The following DESI2 variants were observed in gnomAD, a reference collection of about 807,000 sequenced individuals.
The protein encoded by DESI2 is desumoylating isopeptidase 2, also known as deubiquitinase DESI2.
A neutral mutation model predicts 24.1 loss-of-function variants in DESI2; 10 were observed. The ratio of observed to expected loss-of-function variants is 0.41; its 90% CI spans 0.26 to 0.70. DESI2 has a LOEUF of 0.70. Ranked by LOEUF, DESI2 falls within the 30% of genes least tolerant of loss-of-function variation. DESI2 has a pLI of 0.29. For synonymous variants in DESI2, 71 were observed against 87.7 expected (o/e 0.81, Z 1.06); for missense variants, 122 against 234.9 (o/e 0.52, Z 3.14).
intron 1 of DESI2, among the ~76,000 whole-genome samples, chr1:244,666,737 C>T (rs765554912): frequency 7.2e-5 from 11 of 152,106 alleles, no homozygotes; most frequent in East Asian, 1.9e-4. Flanking sequence ...TGAGGGCAGA[C>T]GCAGTGTCTA....
chr1:244,655,131 G>A (rs142955505), intron 1 of DESI2, among the ~76,000 whole-genome samples: 155 of 152,322 alleles, frequency 1.0e-3, no homozygotes, highest in African/African-American at 3.6e-3. Flanking sequence ...CAGTATTTTC[G>A]AAGGGAGGAC....
At chr1:244,656,927 A>G (rs935128117) in intron 1 of DESI2, among the ~76,000 whole-genome samples, 7 of 152,156 alleles carry the variant, frequency 4.6e-5, no homozygotes, top group Admixed American at 3.3e-4. Context: ...GGCACCTGCC[A>G]TCATGCCCGG....
At chr1:244,660,506 G>C (rs1313060335) in intron 1 of DESI2, among the ~76,000 whole-genome samples, 2 of 152,134 alleles carry the variant, frequency 1.3e-5, no homozygotes, top group Non-Finnish European at 2.9e-5. Context: ...CTTTCCGTTT[G>C]TTGACTGTCG....
chr1:244,663,000 C>T (rs1017081356), intron 1 of DESI2, among the ~76,000 whole-genome samples: 1 of 151,016 alleles, frequency 6.6e-6, no homozygotes, highest in African/African-American at 2.5e-5. Flanking sequence ...GGATAGATTC[C>T]ACAAAAATGA....
intron 3 of DESI2, among the ~76,000 whole-genome samples, chr1:244,691,040 C>G (rs925500379): frequency 1.3e-5 from 2 of 152,224 alleles, no homozygotes; most frequent in Non-Finnish European, 2.9e-5. Context: ...ATTCCACTTT[C>G]TCTTGGATAA....
rs554315585 is a variant in DESI2 at position 244,705,472 on chromosome 1, C to A, written c.352-84C>A. 2.1e-4 allele frequency: 255 copies of A among 1,200,160 alleles called. 1 individual carries two copies. The South Asian group carries it at 3.2e-3, about 15-fold the overall frequency. 74.3% of individuals were successfully genotyped at this position (1,200,160 alleles called of 1,614,324 possible). A position where few individuals can be genotyped will look rare whatever the true frequency, so the allele number is the denominator to read the frequency against. ...CCGTGGCTTCTCTGTACGCCGCCCC[C>A]CTCCTCCCACCCTCCACTCCCTGGC... is the stretch of plus-strand genomic sequence containing the variant. On this transcript the variant is annotated intron_variant, in intron 4 of 4. Transcript: ENST00000302550.
At chr1:244,687,660 G>A (rs1316851793) in intron 2 of DESI2, among the ~76,000 whole-genome samples, 1 of 152,166 alleles carries the variant, frequency 6.6e-6, no homozygotes, top group East Asian at 1.9e-4. Flanking sequence ...TCCAGGTGAA[G>A]TTTAGCATAT....
chr1:244,654,563 G>C (rs530104714), intron 1 of DESI2, among the ~76,000 whole-genome samples: 1 of 152,180 alleles, frequency 6.6e-6, no homozygotes, highest in African/African-American at 2.4e-5. Context: ...TCTGATGTGA[G>C]CCTGGAGATG....
At position 244,686,624 on chromosome 1, in the gene DESI2, A is replaced by G; in HGVS notation, c.70A>G (p.Ile24Val). Residue 24 changes from isoleucine (I) to valine (V), a missense_variant, in exon 2 of 5, where the codon ATT (isoleucine) becomes GTT (valine). Around this residue, in one of 6 missense-constraint regions of DESI2, gnomAD observed 16 missense variants for 65.7 expected, o/e 0.24. Coordinates refer to ENST00000302550, the MANE Select transcript of DESI2 (RefSeq NM_016076.5). Reference protein sequence around the residue: ...MYWMNEYTSSIGIGVFHSGIE... With the variant: ...MYWMNEYTSSVGIGVFHSGIE... Reference sequence around the variant, plus strand: ...TTGGATGAACGAATATACCTCATCCATTGGAATTGGAGTTTTTCATTCAGG... The same window carrying G: ...TTGGATGAACGAATATACCTCATCCGTTGGAATTGGAGTTTTTCATTCAGG... The G allele has an allele frequency of 1.9e-6, 3 of 1,609,264 alleles. No homozygotes were observed. The highest frequency in any genetic ancestry group is 2.2e-5 in the South Asian group (2 of 90,958).
chr1:244,694,908 A>T (rs1300159453), intron 4 of DESI2, among the ~76,000 whole-genome samples: 1 of 152,242 alleles, frequency 6.6e-6, no homozygotes, highest in East Asian at 1.9e-4. Context: ...AAAGTTTGCC[A>T]GCCTCTACTC....
chr1:244,664,789 A>C (rs924178395), intron 1 of DESI2, among the ~76,000 whole-genome samples: 5 of 152,270 alleles, frequency 3.3e-5, no homozygotes, highest in African/African-American at 1.2e-4. Context: ...TGTATTTATA[A>C]GTGTCCTTTG....
chr1:244,684,683 C>T (rs1395306379), intron 1 of DESI2, among the ~76,000 whole-genome samples: 3 of 151,798 alleles, frequency 2.0e-5, no homozygotes, highest in African/African-American at 7.3e-5. Flanking sequence ...CCATAATTAG[C>T]CATTTCTCTA....
At chr1:244,661,565 C>T (rs1279173696) in intron 1 of DESI2, among the ~76,000 whole-genome samples, 2 of 152,200 alleles carry the variant, frequency 1.3e-5, no homozygotes, top group African/African-American at 4.8e-5. Flanking sequence ...CCCGCTCCCC[C>T]CACCCCACCA....
chr1:244,675,363 T>C (rs1441980410), intron 1 of DESI2, among the ~76,000 whole-genome samples: 1 of 152,212 alleles, frequency 6.6e-6, no homozygotes, highest in Non-Finnish European at 1.5e-5. Context: ...AGCCATTGCG[T>C]AATCCAAGAT....
intron 1 of DESI2, among the ~76,000 whole-genome samples, chr1:244,677,937 TAATG>T (rs1676466115): frequency 6.6e-6 from 1 of 151,928 alleles, no homozygotes; most frequent in South Asian, 2.1e-4. Flanking sequence ...ATAACAGTAA[TAATG>T]ATGATGATGT....
rs368369137 is a variant in DESI2 at position 244,663,342 on chromosome 1, A to C, written c.42+9987A>C. The stretch of plus-strand genomic sequence containing the variant: ...CAGGCGCCTGCCACCACGCCCGGCT[A>C]ATTTTTTGTATTTTTAGTAGAGACG... On this transcript the variant is annotated intron_variant, in intron 1 of 4. Transcript: ENST00000302550. Among the ~76,000 whole-genome samples the C allele has an allele frequency of 2.2e-3, 338 of 152,062 alleles. 1 individual carries two copies. The highest frequency in any genetic ancestry group is 7.9e-3 in the African/African-American group (327 of 41,488).
At chr1:244,681,664 C>G (rs1430532394) in intron 1 of DESI2, among the ~76,000 whole-genome samples, 1 of 152,224 alleles carries the variant, frequency 6.6e-6, no homozygotes, top group East Asian at 1.9e-4. Flanking sequence ...TACACCAGTA[C>G]CACTATGAAC....
intron 1 of DESI2, among the ~76,000 whole-genome samples, chr1:244,680,613 AT>A (rs1676575199): frequency 6.6e-5 from 10 of 152,200 alleles, no homozygotes; most frequent in Middle Eastern, 3.2e-3. Flanking sequence ...ACTATTAATG[AT>A]GCTCAGTTCA....
At chr1:244,665,745 C>T (rs1040393709) in intron 1 of DESI2, among the ~76,000 whole-genome samples, 4 of 152,200 alleles carry the variant, frequency 2.6e-5, no homozygotes, top group Non-Finnish European at 5.9e-5. Context: ...ATTTTGGCTC[C>T]AGACAAGCTG....
Sources: gnomAD v4.1 joint callset for allele counts (sites outside exome capture counted in the v4.1 genomes callset) on GRCh38, gnomAD v4.1.1 for gene constraint, gnomAD v4.1.1 regional missense constraint, MANE v1.5 for transcripts, NCBI Gene and HGNC (gene_info 2026-07-23, HGNC 2026-07-21) for gene names.